The following NAALADL2 variants were observed in gnomAD, a reference collection of about 807,000 sequenced individuals.
NAALADL2 encodes N-acetylated alpha-linked acidic dipeptidase like 2.
A neutral mutation model predicts 87.2 loss-of-function variants in NAALADL2; 76 were observed. The ratio of observed to expected loss-of-function variants is 0.87; its 90% CI spans 0.72 to 1.05. NAALADL2 has a LOEUF of 1.05. Among genes scored for constraint, NAALADL2 ranks in the 50% least tolerant of loss-of-function variants. The pLI, the probability that NAALADL2 is intolerant of heterozygous loss-of-function variation, is 0.00. For synonymous variants in NAALADL2, 354 were observed against 331.0 expected, an observed-to-expected ratio of 1.07 and a Z score of -0.75; for missense variants, 1,089 against 945.8, an observed-to-expected ratio of 1.15 and a Z score of -1.99.
At chr3:175,536,007 G>A (rs1734764029) in intron 9 of NAALADL2, among the ~76,000 whole-genome samples, 1 of 152,138 alleles carries the variant, frequency 6.6e-6, no homozygotes, top group Non-Finnish European at 1.5e-5. Flanking sequence ...GTGTGATATT[G>A]TATCCCAGAT....
intron 4 of NAALADL2, among the ~76,000 whole-genome samples, chr3:175,304,804 T>C (rs1303690748): frequency 6.6e-6 from 1 of 152,234 alleles, no homozygotes; most frequent in African/African-American, 2.4e-5. Context: ...TGCAAATACT[T>C]TTCAGACTCA....
intron 2 of NAALADL2, among the ~76,000 whole-genome samples, chr3:174,598,048 T>C (rs994861503): frequency 3.9e-5 from 6 of 152,188 alleles, no homozygotes; most frequent in Admixed American, 2.6e-4. Flanking sequence ...TAATCTCCAG[T>C]AATTCAGTAT....
At chr3:174,732,930 T>A (rs1732843353) in intron 2 of NAALADL2, among the ~76,000 whole-genome samples, 1 of 152,214 alleles carries the variant, frequency 6.6e-6, no homozygotes, top group Non-Finnish European at 1.5e-5. Flanking sequence ...TGTATTAATA[T>A]GTGTGTATTA....
chr3:175,248,201 C>G (rs1748359007), intron 3 of NAALADL2, among the ~76,000 whole-genome samples: 1 of 152,078 alleles, frequency 6.6e-6, no homozygotes, highest in African/African-American at 2.4e-5. Flanking sequence ...TATTTAGTAG[C>G]TCTGTGACTG....
chr3:175,186,647 C>T (rs2862000), intron 2 of NAALADL2, among the ~76,000 whole-genome samples: 146,503 of 152,144 alleles, frequency 0.96, 70,588 homozygotes, highest in East Asian at 1. Context: ...AATTTTGACG[C>T]CAAGTGCAGA....
chr3:175,423,047 ATATAT>A (rs1456663131), intron 5 of NAALADL2, among the ~76,000 whole-genome samples: 1 of 114,176 alleles, frequency 8.8e-6, no homozygotes, highest in Admixed American at 9.6e-5. Context: ...ATATATATAT[ATATAT>A]TTTTTTTTTT....
chr3:174,504,312 G>A (rs1396910105), intron 1 of NAALADL2, among the ~76,000 whole-genome samples: 3 of 152,174 alleles, frequency 2.0e-5, no homozygotes, highest in Admixed American at 1.3e-4. Context: ...TGTTTGTGGG[G>A]GAGAATAGCA....
At chr3:175,744,599 A>C (rs999928461) in intron 12 of NAALADL2, among the ~76,000 whole-genome samples, 2 of 152,242 alleles carry the variant, frequency 1.3e-5, no homozygotes, top group African/African-American at 4.8e-5. Flanking sequence ...TGACACCTTT[A>C]AACTATACAT....
intron 1 of NAALADL2, among the ~76,000 whole-genome samples, chr3:174,890,650 G>T (rs545973470): frequency 6.6e-6 from 1 of 152,214 alleles, no homozygotes; most frequent in Admixed American, 6.5e-5. Context: ...GCCTGAGAAG[G>T]ATTAGCTAAG....
chr3:175,638,821 A>G (rs1364978085), intron 11 of NAALADL2, among the ~76,000 whole-genome samples: 1 of 152,156 alleles, frequency 6.6e-6, no homozygotes, highest in South Asian at 2.1e-4. Flanking sequence ...TTTCCTAAAG[A>G]CTCCATCAAA....
intron 3 of NAALADL2, among the ~76,000 whole-genome samples, chr3:175,238,570 C>T (rs539848206): frequency 6.6e-6 from 1 of 152,040 alleles, no homozygotes; most frequent in African/African-American, 2.4e-5. Context: ...AAAGCACATG[C>T]TATTGATACT....
intron 3 of NAALADL2, among the ~76,000 whole-genome samples, chr3:175,243,959 A>G (rs1054868992): frequency 2.6e-5 from 4 of 152,112 alleles, no homozygotes; most frequent in Non-Finnish European, 4.4e-5. Context: ...ATTTTGCAAA[A>G]TAGCTATTGA....
intron 10 of NAALADL2, among the ~76,000 whole-genome samples, chr3:175,595,201 A>G (rs1722090859): frequency 6.6e-6 from 1 of 152,156 alleles, no homozygotes. Context: ...GTCCAGTTTC[A>G]TTATTCTGCA....
intron 2 of NAALADL2, among the ~76,000 whole-genome samples, chr3:174,606,167 T>G (rs935787786): frequency 7.2e-5 from 11 of 152,204 alleles, no homozygotes; most frequent in Non-Finnish European, 1.3e-4. Context: ...AAAACCCATC[T>G]GTACATCACT....
rs76883754 is a variant in NAALADL2 at position 175,613,811 on chromosome 3, C to A, written c.1801-13480C>A. ...ATTTTTCTGAGGGTTAATTGAGCTA[C>A]TATTACAATGTATTTTAGCATCATT... On this transcript the variant is annotated intron_variant, in intron 10 of 13. Coordinates refer to ENST00000454872, the MANE Select transcript of NAALADL2 (RefSeq NM_207015.3). Among the ~76,000 whole-genome samples, 95 of 152,260 alleles carry A rather than the reference C, an allele frequency of 6.2e-4. 2 individuals are homozygous for A. The East Asian group carries it at 0.015, about 24-fold the overall frequency.
At chr3:175,445,384 C>T (rs1244436453) in intron 5 of NAALADL2, among the ~76,000 whole-genome samples, 1 of 152,050 alleles carries the variant, frequency 6.6e-6, no homozygotes, top group Non-Finnish European at 1.5e-5. Context: ...GTCACCTTCT[C>T]CTCCTCTACC....
Position 174,723,880 on chromosome 3 carries a change from A to G in NAALADL2, c.-114-13761A>G, listed in dbSNP as rs188187836. On this transcript the variant is annotated intron_variant, in intron 2 of 3. Transcript: ENST00000434257. ...AATATTAGTTTTTATAAGTTGATCT[A>G]TAATAAATTCAAGGTTTGGCCGCTA... is the stretch of plus-strand genomic sequence containing the variant. Among the ~76,000 whole-genome samples the G allele has an allele frequency of 2.9e-3, 432 of 151,308 alleles. 1 individual carries two copies. Among genetic ancestry groups the G allele is most frequent in the African/African-American group, 9.9e-3 (410 of 41,314 alleles).
At chr3:175,238,658 C>T (rs6443294) in intron 3 of NAALADL2, among the ~76,000 whole-genome samples, 1 of 152,150 alleles carries the variant, frequency 6.6e-6, no homozygotes, top group Admixed American at 6.6e-5. Flanking sequence ...TATGCATATA[C>T]AATACCTGCA....
intron 1 of NAALADL2, among the ~76,000 whole-genome samples, chr3:174,889,073 A>G (rs1007360722): frequency 6.6e-6 from 1 of 152,186 alleles, no homozygotes; most frequent in Non-Finnish European, 1.5e-5. Context: ...CATAATTTCT[A>G]CAGTGACTCG....
Sources: gnomAD v4.1 joint callset for allele counts (sites outside exome capture counted in the v4.1 genomes callset) on GRCh38, gnomAD v4.1.1 for gene constraint, MANE v1.5 for transcripts, NCBI Gene and HGNC (gene_info 2026-07-23, HGNC 2026-07-21) for gene names.